XKR6: variants seen among roughly 807,000 people sequenced by gnomAD.
XKR6 encodes XK-related protein 6.
XKR6 carries 22 observed loss-of-function variants against 56.7 expected under a neutral mutation model. The ratio of observed to expected loss-of-function variants is 0.39; its 90% CI spans 0.28 to 0.55. XKR6 has a LOEUF of 0.55. Ranked by LOEUF, XKR6 falls within the 20% of genes least tolerant of loss-of-function variation. The probability of loss-of-function intolerance (pLI) is 0.66; values close to 1 mark genes in which losing one functional copy is unlikely to be tolerated. For missense variants in XKR6, 852 were observed against 889.0 expected (o/e 0.96, Z 0.53); for synonymous variants, 524 against 387.8 (o/e 1.35, Z -4.13).
chr8:10,994,969 G>GGCCACACAAAGAGAGATGA (rs1269174139), intron 1 of XKR6, among the ~76,000 whole-genome samples: 2 of 152,160 alleles, frequency 1.3e-5, no homozygotes, highest in Non-Finnish European at 2.9e-5. Context: ...TCTTAGCCAA[G>GGCCACACAAAGAGAGATGA]GCCACACAAA....
intron 1 of XKR6, among the ~76,000 whole-genome samples, chr8:11,189,034 C>A (rs942909411): frequency 2.6e-5 from 4 of 152,190 alleles, no homozygotes; most frequent in African/African-American, 9.7e-5. Flanking sequence ...GTTCTCCCCA[C>A]GAATCTATCA....
At chr8:10,903,815 C>T (rs1052607937) in intron 2 of XKR6, among the ~76,000 whole-genome samples, 2 of 152,134 alleles carry the variant, frequency 1.3e-5, no homozygotes, top group Admixed American at 6.5e-5. Flanking sequence ...CCTGAGCAGA[C>T]GTACACCGTG....
chr8:10,995,205 A>T (rs1407848862), intron 1 of XKR6, among the ~76,000 whole-genome samples: 1 of 151,948 alleles, frequency 6.6e-6, no homozygotes, highest in Non-Finnish European at 1.5e-5. Flanking sequence ...GGAAAAATCC[A>T]TTTGTGAGCT....
At chr8:11,126,634 C>A (rs1474267520) in intron 1 of XKR6, among the ~76,000 whole-genome samples, 3 of 152,108 alleles carry the variant, frequency 2.0e-5, no homozygotes, top group Admixed American at 6.5e-5. Context: ...TAGTCACCTG[C>A]CGAATTTCCA....
At chr8:11,109,993 C>A (rs1274146556) in intron 1 of XKR6, among the ~76,000 whole-genome samples, 1 of 152,122 alleles carries the variant, frequency 6.6e-6, no homozygotes, top group Non-Finnish European at 1.5e-5. Context: ...TTGTCTTTGA[C>A]ATGGAGTCTT....
intron 1 of XKR6, among the ~76,000 whole-genome samples, chr8:11,196,804 C>T (rs558137951): frequency 3.9e-5 from 6 of 152,352 alleles, no homozygotes; most frequent in African/African-American, 1.2e-4. Context: ...AGTGCTGCAA[C>T]AGATTCTATT....
chr8:11,171,498 T>A (rs567888413), intron 1 of XKR6, among the ~76,000 whole-genome samples: 1 of 152,206 alleles, frequency 6.6e-6, no homozygotes, highest in Non-Finnish European at 1.5e-5. Flanking sequence ...AGATGCCTCA[T>A]GAATAGATTC....
intron 1 of XKR6, among the ~76,000 whole-genome samples, chr8:11,131,802 A>ACACT (rs1800115436): frequency 6.6e-6 from 1 of 152,188 alleles, no homozygotes; most frequent in African/African-American, 2.4e-5. Context: ...ACAACTGCCT[A>ACACT]CACTATTCAG....
At chr8:11,122,846 A>T (rs1000946137) in intron 1 of XKR6, among the ~76,000 whole-genome samples, 1 of 152,168 alleles carries the variant, frequency 6.6e-6, no homozygotes, top group African/African-American at 2.4e-5. Flanking sequence ...TCTGTTTTCC[A>T]GGGGAAAACT....
intron 1 of XKR6, among the ~76,000 whole-genome samples, chr8:11,190,859 T>A (rs1309631083): frequency 6.6e-6 from 1 of 152,218 alleles, no homozygotes; most frequent in African/African-American, 2.4e-5. Context: ...ATCTGTAAAA[T>A]GGGCACAAAA....
intron 1 of XKR6, among the ~76,000 whole-genome samples, chr8:11,059,343 G>A (rs1242480150): frequency 1.3e-5 from 2 of 152,242 alleles, no homozygotes; most frequent in Admixed American, 6.5e-5. Context: ...TGAGCGCCCC[G>A]GAGACTCTGG....
chr8:10,912,095 T>G (rs1800394807), intron 2 of XKR6, among the ~76,000 whole-genome samples: 1 of 149,596 alleles, frequency 6.7e-6, no homozygotes, highest in Non-Finnish European at 1.5e-5. Context: ...AGTATATATA[T>G]CTGTGTGTGT....
chr8:10,933,394 T>G (rs1801121285), intron 1 of XKR6, among the ~76,000 whole-genome samples: 1 of 109,336 alleles, frequency 9.1e-6, no homozygotes, highest in African/African-American at 4.4e-5. Flanking sequence ...AGAAGCTCTT[T>G]AGTTTAATTA....
intron 1 of XKR6, among the ~76,000 whole-genome samples, chr8:11,126,357 T>C (rs552455004): frequency 7.2e-4 from 110 of 152,304 alleles, no homozygotes; most frequent in African/African-American, 2.3e-3. Flanking sequence ...TGAGCCACTG[T>C]GCCCGGCCTA....
intron 1 of XKR6, among the ~76,000 whole-genome samples, chr8:11,069,293 C>T (rs1255308578): frequency 1.3e-5 from 2 of 152,152 alleles, no homozygotes; most frequent in Non-Finnish European, 2.9e-5. Flanking sequence ...TTCTGCCTCC[C>T]AGAAGCCCTG....
intron 1 of XKR6, among the ~76,000 whole-genome samples, chr8:11,075,225 T>A (rs1458620672): frequency 6.6e-6 from 1 of 152,160 alleles, no homozygotes; most frequent in East Asian, 1.9e-4. Context: ...CAGTGAGAAA[T>A]CTGAGCCTAG....
At chr8:10,993,970 T>A (rs907127192) in intron 1 of XKR6, among the ~76,000 whole-genome samples, 1 of 152,208 alleles carries the variant, frequency 6.6e-6, no homozygotes, top group East Asian at 1.9e-4. Flanking sequence ...CCACCAAGCC[T>A]TGCTCTGCCC....
chr8:10,946,369 C>G (rs1012040999), intron 1 of XKR6, among the ~76,000 whole-genome samples: 1 of 152,088 alleles, frequency 6.6e-6, no homozygotes, highest in Admixed American at 6.5e-5. Context: ...TTGAGCAGGC[C>G]GCAGAGCCCA....
chr8:10,952,442 A>ATTT (rs1188304754), intron 1 of XKR6, among the ~76,000 whole-genome samples: 8 of 152,018 alleles, frequency 5.3e-5, no homozygotes, highest in Non-Finnish European at 8.8e-5. Flanking sequence ...TCCTTGCATT[A>ATTT]TTATATTTGT....
Sources: allele counts gnomAD v4.1 joint callset (sites outside exome capture counted in the v4.1 genomes callset), GRCh38; gene constraint gnomAD v4.1.1; transcripts MANE v1.5; gene names NCBI Gene and HGNC (gene_info 2026-07-23, HGNC 2026-07-21).